NDEL1: variants seen among roughly 807,000 people sequenced by gnomAD.
The protein encoded by NDEL1 is nuclear distribution protein nudE-like 1.
In NDEL1, 9 loss-of-function variants were observed where a neutral mutation model predicts 45.7. That is an observed-to-expected ratio of 0.20 (90% CI 0.12 to 0.34). NDEL1 has a LOEUF of 0.34. Among genes scored for constraint, NDEL1 ranks in the 10% least tolerant of loss-of-function variants. The probability of loss-of-function intolerance (pLI) is 1.00; values close to 1 mark genes in which losing one functional copy is unlikely to be tolerated. For missense variants in NDEL1, 306 were observed against 406.2 expected (o/e 0.75, Z 2.12); for synonymous variants, 133 against 158.6 (o/e 0.84, Z 1.21).
chr17:8,443,571 G>A (rs1035791357), intron 1 of NDEL1, among the ~76,000 whole-genome samples: 1 of 152,070 alleles, frequency 6.6e-6, no homozygotes, highest in Non-Finnish European at 1.5e-5. Context: ...TGGGCCTGAC[G>A]ATCAGTTGGG....
chr17:8,423,409 T>A (rs1342108672), intron 1 of NDEL1, among the ~76,000 whole-genome samples: 1 of 151,700 alleles, frequency 6.6e-6, no homozygotes. Context: ...GTAGTCCGGG[T>A]GTGGTGGTTC....
At chr17:8,434,161 G>T (rs1198931716), upstream of NDEL1, among the ~76,000 whole-genome samples, 1 of 152,230 alleles carries the variant, frequency 6.6e-6, no homozygotes, top group East Asian at 1.9e-4. Flanking sequence ...GCTGGTGCCT[G>T]TAATCCCAGG....
At chr17:8,448,114 A>C (rs2151720612) in intron 4 of NDEL1, among the ~76,000 whole-genome samples, 1 of 152,274 alleles carries the variant, frequency 6.6e-6, no homozygotes, top group South Asian at 2.1e-4. Context: ...AGGTGTGGAA[A>C]GTTCCGGTTT....
downstream of NDEL1, among the ~76,000 whole-genome samples, chr17:8,470,513 C>A (rs1008142897): frequency 1.6e-4 from 25 of 152,182 alleles, no homozygotes; most frequent in African/African-American, 5.8e-4. The surrounding 1 kb of genome is among the most constrained non-coding windows in gnomAD (Gnocchi z 4.2). Context: ...AGCTGAGACC[C>A]AGGAGCCAAA....
downstream of NDEL1, among the ~76,000 whole-genome samples, chr17:8,472,673 A>G (rs753107933): frequency 6.6e-6 from 1 of 152,140 alleles, no homozygotes; most frequent in Non-Finnish European, 1.5e-5. Flanking sequence ...GGGAAAAAAA[A>G]CAAGTTGTTA....
rs922120891 is a variant in NDEL1 at position 8,467,234 on chromosome 17, G to A, written c.*211G>A. Reference sequence around the variant, plus strand: ...ATACTGGCTATTTTCTCTTCTCGCCGTAGTGCCGTTGGTTTCACATGATTG... The same window carrying A: ...ATACTGGCTATTTTCTCTTCTCGCCATAGTGCCGTTGGTTTCACATGATTG... On this transcript the variant is annotated 3_prime_UTR_variant, in exon 9 of 9. Coordinates refer to ENST00000334527, the MANE Select transcript of NDEL1 (RefSeq NM_030808.5). The surrounding 1 kb of genome is among the most constrained non-coding windows in gnomAD (Gnocchi z 6.3). The A allele has an allele frequency of 1.0e-5, 6 of 593,864 alleles. No homozygotes were observed. Among genetic ancestry groups the A allele is most frequent in the African/African-American group, 5.6e-5 (3 of 53,648 alleles). 36.8% of individuals were successfully genotyped at this position (593,864 alleles called of 1,614,324 possible). A position where few individuals can be genotyped will look rare whatever the true frequency, so the allele number is the denominator to read the frequency against.
chr17:8,445,655 A>G (rs1910033713), intron 2 of NDEL1, 56 bp from the exon 3 acceptor site: 2 of 1,559,476 alleles, frequency 1.3e-6, no homozygotes, highest in Non-Finnish European at 1.7e-6. Flanking sequence ...ATCACCTCCA[A>G]GACAATCCTT....
At chr17:8,453,351 CAT>C (rs1277925495) in intron 6 of NDEL1, among the ~76,000 whole-genome samples, 1 of 152,168 alleles carries the variant, frequency 6.6e-6, no homozygotes, top group Admixed American at 6.5e-5. Flanking sequence ...GGAAAACAAA[CAT>C]AAAAAATAAT....
At chr17:8,426,965 G>A (rs1474149900) in intron 1 of NDEL1, among the ~76,000 whole-genome samples, 2 of 152,204 alleles carry the variant, frequency 1.3e-5, no homozygotes, top group Non-Finnish European at 2.9e-5. Context: ...CCTTCCAGCA[G>A]GCTACACCTG....
intron 8 of NDEL1, chr17:8,463,240 T>G: frequency 8.9e-7 from 1 of 1,122,508 alleles, no homozygotes; most frequent in Admixed American, 1.8e-5. Flanking sequence ...TGTGTGTAGG[T>G]GGGCATGGAC....
At chr17:8,469,763 G>A (rs1346083282), downstream of NDEL1, among the ~76,000 whole-genome samples, 1 of 151,190 alleles carries the variant, frequency 6.6e-6, no homozygotes, top group East Asian at 1.9e-4. Flanking sequence ...GAGTGCAGTG[G>A]CGTGATCTTG....
At chr17:8,448,390 C>T (rs374456429) in intron 4 of NDEL1, among the ~76,000 whole-genome samples, 160 bp from the exon 5 acceptor site, 5 of 152,160 alleles carry the variant, frequency 3.3e-5, no homozygotes, top group Admixed American at 1.3e-4. Flanking sequence ...AGAGACACTA[C>T]GTGCCAGCAG....
rs1318910471 is a variant in NDEL1 at position 8,465,814 on chromosome 17, G to A, written c.945-1116G>A. The stretch of plus-strand genomic sequence containing the variant: ...ATTTTCCTAGGAAGCGTTTCAAGGT[G>A]GAAAGGCTGAAGTGGCTCCTGAGAG... On this transcript the variant is annotated intron_variant, in intron 8 of 8. Coordinates refer to ENST00000334527, the MANE Select transcript of NDEL1 (RefSeq NM_030808.5). The surrounding 1 kb of genome is among the most constrained non-coding windows in gnomAD (Gnocchi z 4.9). The A allele has an allele frequency of 6.6e-6, 1 of 152,406 alleles. No homozygotes were observed. Among genetic ancestry groups the A allele is most frequent in the East Asian group, 1.9e-4 (1 of 5,194 alleles). 9.4% of individuals were successfully genotyped at this position (152,406 alleles called of 1,614,324 possible).
chr17:8,441,989 A>G (rs1909764764), intron 1 of NDEL1, among the ~76,000 whole-genome samples: 1 of 151,854 alleles, frequency 6.6e-6, no homozygotes, highest in African/African-American at 2.4e-5. Context: ...CTCTCAGTTC[A>G]CTAGGTCCTA....
Position 8,452,715 on chromosome 17 carries a change from CTTTCT to C in NDEL1, c.700+1776_700+1780del, listed in dbSNP as rs987628932. The stretch of plus-strand genomic sequence containing the variant: ...TTTCTTTCTTTTTCTTTCTTCCTTT[CTTTCT>C]TTTCTTTTCTTTTTCTTCTCTTTTT... On this transcript the variant is annotated intron_variant, in intron 6 of 8. Transcript: ENST00000334527. Among the ~76,000 whole-genome samples, 97 of 133,398 alleles carry C rather than the reference CTTTCT, an allele frequency of 7.3e-4. No homozygotes were observed. The East Asian group carries it at 0.013, about 18-fold the overall frequency. 87.5% of individuals were successfully genotyped at this position (133,398 alleles called of 152,430 possible). A position where few individuals can be genotyped will look rare whatever the true frequency, so the allele number is the denominator to read the frequency against.
At chr17:8,453,897 A>G (rs926921974) in intron 6 of NDEL1, among the ~76,000 whole-genome samples, 2 of 152,208 alleles carry the variant, frequency 1.3e-5, no homozygotes, top group Non-Finnish European at 2.9e-5. Flanking sequence ...ATAGGCTAAT[A>G]GTTCAATGGA....
At chr17:8,427,227 GCT>G (rs1908858850) in intron 1 of NDEL1, among the ~76,000 whole-genome samples, 1 of 152,230 alleles carries the variant, frequency 6.6e-6, no homozygotes, top group Non-Finnish European at 1.5e-5. Context: ...TGGTCGGTGA[GCT>G]CTGTTTGCTC....
Position 8,465,368 on chromosome 17 carries a change from G to C in NDEL1, c.945-1562G>C, listed in dbSNP as rs1911513117. ...ACCCAGTGAGGAAAGAGACAATCTG[G>C]CTGTTTGTCGTCGAAGTAGGACAGT... On this transcript the variant is annotated intron_variant, in intron 8 of 8. Transcript: ENST00000334527. The surrounding 1 kb of genome is among the most constrained non-coding windows in gnomAD (Gnocchi z 4.9). 6.6e-6 allele frequency: 1 copy of C among 152,246 alleles called. No individual in the cohort carries two copies. Among genetic ancestry groups the C allele is most frequent in the Non-Finnish European group, 1.5e-5 (1 of 68,050 alleles). The allele number at this position is 152,246 out of a possible 1,614,324, so 9.4% of individuals were successfully genotyped here.
At chr17:8,436,208 C>T in intron 1 of NDEL1, 163 bp downstream of exon 1, 1 of 234,268 alleles carries the variant, frequency 4.3e-6, no homozygotes, top group Non-Finnish European at 8.5e-6. Context: ...ACTGTTCCAA[C>T]CGCTCTAACT....
Sources: allele counts gnomAD v4.1 joint callset (sites outside exome capture counted in the v4.1 genomes callset), GRCh38; gene constraint gnomAD v4.1.1; non-coding constraint Gnocchi (gnomAD v3.1); transcripts MANE v1.5; gene names NCBI Gene and HGNC (gene_info 2026-07-23, HGNC 2026-07-21).